HSP90B1: variants seen among roughly 807,000 people sequenced by gnomAD.
HSP90B1 encodes the protein endoplasmin.
Under a neutral mutation model 100.4 loss-of-function variants are expected in HSP90B1, and 27 were observed. The ratio of observed to expected loss-of-function variants is 0.27; its 90% CI spans 0.20 to 0.37. HSP90B1 has a LOEUF of 0.37. Ranked by LOEUF, HSP90B1 falls within the 10% of genes least tolerant of loss-of-function variation. The pLI is 1.00. For synonymous variants in HSP90B1, 304 were observed against 330.8 expected (o/e 0.92, Z 0.88); for missense variants, 678 against 960.5 (o/e 0.71, Z 3.89).
chr12:103,934,500 A>G (rs967223245), intron 5 of HSP90B1, among the ~76,000 whole-genome samples: 1 of 152,198 alleles, frequency 6.6e-6, no homozygotes, highest in African/African-American at 2.4e-5. Context: ...TGGAGGGTAT[A>G]AAGTAGGAAA....
chr12:103,943,891 A>G lies in HSP90B1; in HGVS notation c.2027+17A>G. The G allele has an allele frequency of 6.2e-7, 1 of 1,609,530 alleles. No individual in the cohort carries two copies. ...CTCTACAAAGTAAGCATCCTCGGGAAAGTCCCTGCCAGGGCGTTGCCCCTT... is the reference window on the plus strand; with the variant it reads ...CTCTACAAAGTAAGCATCCTCGGGAGAGTCCCTGCCAGGGCGTTGCCCCTT... On this transcript the variant is annotated intron_variant, in intron 14 of 17. Transcript: ENST00000299767. This position sits in a 1 kb window ranked among gnomAD's most constrained non-coding sequence, Gnocchi z 5.3.
intron 14 of HSP90B1, among the ~76,000 whole-genome samples, chr12:103,944,238 A>C (rs547294158): frequency 6.6e-6 from 1 of 152,188 alleles, no homozygotes; most frequent in African/African-American, 2.4e-5. Context: ...AAGTGAGTTA[A>C]GTCCATTTCA....
chr12:103,945,194 C>T (rs1870191898), intron 14 of HSP90B1, among the ~76,000 whole-genome samples: 1 of 152,172 alleles, frequency 6.6e-6, no homozygotes, highest in African/African-American at 2.4e-5. Flanking sequence ...CCTGTTGTCA[C>T]TCAGGAGGCT....
At chr12:103,932,542 C>T in intron 3 of HSP90B1, 124 bp downstream of exon 3, 4 of 785,254 alleles carry the variant, frequency 5.1e-6, no homozygotes, top group Non-Finnish European at 8.2e-6. Context: ...CTTTAAATAC[C>T]TAATATGTCC....
chr12:103,933,616 T>A (rs1869827342), intron 4 of HSP90B1, among the ~76,000 whole-genome samples: 1 of 152,258 alleles, frequency 6.6e-6, no homozygotes, highest in South Asian at 2.1e-4. Flanking sequence ...GAGGAATCAT[T>A]CAAGTTGTTT....
chr12:103,947,893 G>T lies in HSP90B1; in HGVS notation c.*231G>T. 1 of 532,372 alleles carries T rather than the reference G, an allele frequency of 1.9e-6. No individual in the cohort carries two copies. The highest frequency in any genetic ancestry group is 3.3e-6 in the Non-Finnish European group (1 of 298,696). The allele number at this position is 532,372 out of a possible 1,614,324, so 33.0% of individuals were successfully genotyped here. On this transcript the variant is annotated 3_prime_UTR_variant, in exon 18 of 18. Coordinates refer to ENST00000299767, the MANE Select transcript of HSP90B1 (RefSeq NM_003299.3). Reference sequence around the variant, plus strand: ...CTGACTATTCTTGATGTAAAATCTTGTCATGTGTATAAAAATAAAAAAGAT... The same window carrying T: ...CTGACTATTCTTGATGTAAAATCTTTTCATGTGTATAAAAATAAAAAAGAT...
chr12:103,937,664 G>A (rs1295098259), intron 5 of HSP90B1, 31 bp from the exon 6 acceptor site: 1 of 1,024,858 alleles, frequency 9.8e-7, no homozygotes, highest in Non-Finnish European at 1.5e-6. Context: ...CTAAATGTTA[G>A]GTGTCTCTAA....
At chr12:103,936,289 T>C (rs1869911706) in intron 5 of HSP90B1, among the ~76,000 whole-genome samples, 1 of 152,200 alleles carries the variant, frequency 6.6e-6, no homozygotes, top group Non-Finnish European at 1.5e-5. Flanking sequence ...TTGTGAGCTA[T>C]ATGGTCTGTC....
chr12:103,937,703 TAAAA>T lies in HSP90B1; in HGVS notation c.753_756del (p.Glu253LysfsTer22). On this transcript the variant is annotated frameshift_variant, in exon 6 of 18. Coordinates refer to ENST00000299767, the MANE Select transcript of HSP90B1 (RefSeq NM_003299.3). LOFTEE classifies it high-confidence loss of function. Reference sequence around the variant, plus strand: ...TCGAATTTTTCTTGCAGCCTTGTCTTAAAAGAAGAAGCATCTGATTACCTTGAAT... The same window carrying T: ...TCGAATTTTTCTTGCAGCCTTGTCTTGAAGAAGCATCTGATTACCTTGAAT... The T allele has an allele frequency of 6.4e-7, 1 of 1,559,594 alleles. No individual in the cohort carries two copies. Among genetic ancestry groups the T allele is most frequent in the Non-Finnish European group, 8.8e-7 (1 of 1,132,804 alleles).
chr12:103,947,679 T>G lies in HSP90B1; in HGVS notation c.*17T>G. ...GAATTGTAAATTATACTCTCACCAT[T>G]TGGATCCTGTGTGGAGAGGGAATGT... On this transcript the variant is annotated 3_prime_UTR_variant, in exon 18 of 18. Coordinates refer to ENST00000299767, the MANE Select transcript of HSP90B1 (RefSeq NM_003299.3). 1 of 1,589,890 alleles carries G rather than the reference T, an allele frequency of 6.3e-7. No individual in the cohort carries two copies. Among genetic ancestry groups the G allele is most frequent in the Non-Finnish European group, 8.6e-7 (1 of 1,158,456 alleles).
At chr12:103,938,622 A>G (rs1056167440) in intron 7 of HSP90B1, among the ~76,000 whole-genome samples, 163 bp downstream of exon 7, 8 of 152,248 alleles carry the variant, frequency 5.3e-5, no homozygotes, top group Non-Finnish European at 1.2e-4. Context: ...TGTTGAATAC[A>G]TTGTCCTGTA....
Position 103,932,301 on chromosome 12 carries a change from T to C in HSP90B1, c.177T>C (p.Asp59=), listed in dbSNP as rs766878694. 3 of 1,611,966 alleles carry C rather than the reference T, an allele frequency of 1.9e-6. No homozygotes were observed. The highest frequency in any genetic ancestry group is 2.5e-6 in the Non-Finnish European group (3 of 1,179,220). ...VQREEEAIQL[D]GLNASQIREL... ...GAGAGGAAGAAGCTATTCAGTTGGA[T>C]GGATTAAATGCATCACAAATAAGAG... Residue 59 remains aspartate, a synonymous_variant, in exon 3 of 18, where the codon GAT becomes GAC. Transcript: ENST00000299767.
In HSP90B1 at chr12:103,931,000, G is replaced by A. The variant is rs1869738081; in HGVS notation, c.49+436G>A. 6.6e-6 allele frequency among the ~76,000 whole-genome samples: 1 copy of A among 152,190 alleles called. No homozygotes were observed. Among genetic ancestry groups the A allele is most frequent in the South Asian group, 2.1e-4 (1 of 4,834 alleles). On this transcript the variant is annotated intron_variant, in intron 1 of 17. Coordinates refer to ENST00000299767, the MANE Select transcript of HSP90B1 (RefSeq NM_003299.3). This position sits in a 1 kb window ranked among gnomAD's most constrained non-coding sequence, Gnocchi z 4.4. ...TCTTAGATGCTGGCCTCGGGAGCGT[G>A]AGGCCTGGGGCCAGCGGAATGGCAG...
Position 103,934,040 on chromosome 12 carries a change from A to G in HSP90B1, c.496A>G (p.Ile166Val), listed in dbSNP as rs1308186605. ...AGAGTTGGTTAAAAACCTTGGTACCATAGCCAAATCTGGGACAAGCGAGTT... is the reference window on the plus strand; with the variant it reads ...AGAGTTGGTTAAAAACCTTGGTACCGTAGCCAAATCTGGGACAAGCGAGTT... ...REELVKNLGT[I>V]AKSGTSEFLN... is the part of the protein sequence containing the mutation. The change falls in exon 5 of 18, where the codon ATA (isoleucine) becomes GTA (valine). Residue 166 changes from isoleucine (I) to valine (V), a missense_variant. Around this residue, in one of 8 missense-constraint regions of HSP90B1, gnomAD observed 238 missense variants for 346.7 expected, o/e 0.69. Coordinates refer to ENST00000299767, the MANE Select transcript of HSP90B1 (RefSeq NM_003299.3). The G allele has an allele frequency of 6.2e-6, 10 of 1,614,132 alleles. No individual in the cohort carries two copies. Among genetic ancestry groups the G allele is most frequent in the Admixed American group, 1.7e-5 (1 of 60,014 alleles).
rs2136218627 is a variant in HSP90B1 at position 103,947,881 on chromosome 12, AT to A, written c.*220del. On this transcript the variant is annotated 3_prime_UTR_variant, in exon 18 of 18. Transcript: ENST00000299767. The stretch of plus-strand genomic sequence containing the variant: ...TGTACTATTTAACTGACTATTCTTG[AT>A]GTAAAATCTTGTCATGTGTATAAAA... 1.8e-6 allele frequency: 1 copy of A among 562,326 alleles called. No individual in the cohort carries two copies. Among genetic ancestry groups the A allele is most frequent in the East Asian group, 3.0e-5 (1 of 32,868 alleles). The allele number at this position is 562,326 out of a possible 1,614,324, so 34.8% of individuals were successfully genotyped here. A position where few individuals can be genotyped will look rare whatever the true frequency, so the allele number is the denominator to read the frequency against.
chr12:103,930,662 C>T lies in HSP90B1; in HGVS notation c.49+98C>T. The T allele has an allele frequency of 8.2e-7, 1 of 1,216,424 alleles. No homozygotes were observed. The highest frequency in any genetic ancestry group is 1.2e-6 in the Non-Finnish European group (1 of 861,774). The allele number at this position is 1,216,424 out of a possible 1,614,324, so 75.4% of individuals were successfully genotyped here. A position where few individuals can be genotyped will look rare whatever the true frequency, so the allele number is the denominator to read the frequency against. On this transcript the variant is annotated intron_variant, in intron 1 of 17. Coordinates refer to ENST00000299767, the MANE Select transcript of HSP90B1 (RefSeq NM_003299.3). This position sits in a 1 kb window ranked among gnomAD's most constrained non-coding sequence, Gnocchi z 4.4. ...GAACGTGGGAGGGGGGATCCCGGGG[C>T]CTGCGGTGGGCCAAGGGACGTCACC... is the stretch of plus-strand genomic sequence containing the variant.
chr12:103,938,906 G>A lies in HSP90B1; in HGVS notation c.975+447G>A, dbSNP rs184459749. 789 of 152,278 alleles carry A rather than the reference G, an allele frequency of 5.2e-3. 2 individuals are homozygous for A. Among genetic ancestry groups the A allele is most frequent in the Middle Eastern group, 0.034 (10 of 294 alleles). 9.4% of individuals were successfully genotyped at this position (152,278 alleles called of 1,614,324 possible). On this transcript the variant is annotated intron_variant, in intron 7 of 17. Transcript: ENST00000299767. Reference sequence around the variant, plus strand: ...GTCATGAAATGGGAATATATAATATGTATTTCCTTCTAACCTCAAAACAAA... The same window carrying A: ...GTCATGAAATGGGAATATATAATATATATTTCCTTCTAACCTCAAAACAAA...
chr12:103,944,104 A>C (rs977018093), intron 14 of HSP90B1, among the ~76,000 whole-genome samples: 5 of 152,178 alleles, frequency 3.3e-5, no homozygotes, highest in Admixed American at 2.6e-4. Context: ...TGTAAATGGG[A>C]ATTTTCTTAA....
rs1158594661 is a variant in HSP90B1, at chr12:103,942,511, C to T, written c.1375-16C>T. ...AGATTAACTTCTCTAATCAGTTATTCTTTCATTGTGTTTAGGTGATTAGGA... is the reference window on the plus strand; with the variant it reads ...AGATTAACTTCTCTAATCAGTTATTTTTTCATTGTGTTTAGGTGATTAGGA... On this transcript the variant is annotated splice_polypyrimidine_tract_variant and intron_variant, in intron 11 of 17. Transcript: ENST00000299767. 1.2e-6 allele frequency: 2 copies of T among 1,610,398 alleles called. No homozygotes were observed. The highest frequency in any genetic ancestry group is 1.3e-5 in the African/African-American group (1 of 74,758).
Sources: gnomAD v4.1 joint callset for allele counts (sites outside exome capture counted in the v4.1 genomes callset) on GRCh38, gnomAD v4.1.1 for gene constraint, gnomAD v4.1.1 regional missense constraint, Gnocchi (gnomAD v3.1) non-coding constraint, MANE v1.5 for transcripts, NCBI Gene and HGNC (gene_info 2026-07-23, HGNC 2026-07-21) for gene names.